Variants in NRG3 observed in about 807,000 individuals in gnomAD.
NRG3 encodes the protein pro-neuregulin-3, membrane-bound isoform.
In NRG3, 31 loss-of-function variants were observed where a neutral mutation model predicts 66.9. The observed-to-expected ratio is 0.46, with a 90% CI of 0.35 to 0.63. The LOEUF is 0.63. Ranked by LOEUF, NRG3 falls within the 20% of genes least tolerant of loss-of-function variation. The pLI, the probability that NRG3 is intolerant of heterozygous loss-of-function variation, is 0.00. For synonymous variants in NRG3, 393 were observed against 359.4 expected, an observed-to-expected ratio of 1.09 and a Z score of -1.06; for missense variants, 910 against 878.9, an observed-to-expected ratio of 1.04 and a Z score of -0.45.
intron 1 of NRG3, among the ~76,000 whole-genome samples, chr10:81,923,427 G>A (rs918848892): frequency 2.0e-5 from 3 of 151,904 alleles, no homozygotes; most frequent in African/African-American, 4.8e-5. Context: ...GAATGGTCTC[G>A]ATCTCCTGAC....
chr10:81,917,442 T>A (rs1845811103), intron 1 of NRG3, among the ~76,000 whole-genome samples: 1 of 152,144 alleles, frequency 6.6e-6, no homozygotes, highest in Admixed American at 6.5e-5. Context: ...ATGAACTAAA[T>A]GACTAGATGG....
intron 1 of NRG3, among the ~76,000 whole-genome samples, chr10:81,941,156 C>T (rs1848372028): frequency 6.6e-6 from 1 of 152,094 alleles, no homozygotes; most frequent in South Asian, 2.1e-4. Flanking sequence ...GCACAAGAGA[C>T]AATTCTATTT....
chr10:82,859,925 T>TAA, intron 3 of NRG3, among the ~76,000 whole-genome samples: 1 of 151,296 alleles, frequency 6.6e-6, no homozygotes, highest in East Asian at 1.9e-4. Flanking sequence ...TTTTTGGTGT[T>TAA]AAAAAAAAAC....
intron 3 of NRG3, among the ~76,000 whole-genome samples, chr10:82,788,887 G>T (rs1294126556): frequency 6.6e-6 from 1 of 151,796 alleles, no homozygotes; most frequent in East Asian, 1.9e-4. Context: ...ATTATTCTTT[G>T]TATTGCAAAA....
chr10:82,389,661 GAC>G (rs1405463212), intron 2 of NRG3, among the ~76,000 whole-genome samples: 9 of 152,084 alleles, frequency 5.9e-5, no homozygotes, highest in Non-Finnish European at 1.0e-4. Context: ...ATAAAATGAA[GAC>G]ACATTTTGAA....
intron 3 of NRG3, among the ~76,000 whole-genome samples, chr10:82,845,684 T>C (rs1392131468): frequency 6.6e-6 from 1 of 151,860 alleles, no homozygotes; most frequent in Admixed American, 6.6e-5. Flanking sequence ...TTGCAATATA[T>C]GAGGGAGAAA....
At chr10:82,810,937 T>C (rs1250631817) in intron 3 of NRG3, among the ~76,000 whole-genome samples, 6 of 152,152 alleles carry the variant, frequency 3.9e-5, no homozygotes. Context: ...TTATGAATTT[T>C]CAGAATAAAA....
intron 1 of NRG3, among the ~76,000 whole-genome samples, chr10:82,258,726 A>G (rs926971196): frequency 6.6e-6 from 1 of 152,210 alleles, no homozygotes; most frequent in African/African-American, 2.4e-5. Flanking sequence ...AGTTACAACA[A>G]ACCAAGAGAG....
rs2081886479 is a variant in NRG3, at chr10:82,326,587, G to A, written c.824-32152G>A. On this transcript the variant is annotated intron_variant, in intron 1 of 8. Transcript: ENST00000372141. ...CCATACTTCACTGATGCTCATTATT[G>A]TTTTTAACTTCCTATTTTTGATAGT... Among the ~76,000 whole-genome samples the A allele has an allele frequency of 1.3e-5, 2 of 151,928 alleles. 1 individual carries two copies. Among genetic ancestry groups the A allele is most frequent in the South Asian group, 4.2e-4 (2 of 4,814 alleles).
chr10:82,745,378 A>G (rs2058599666), intron 3 of NRG3, among the ~76,000 whole-genome samples: 1 of 152,190 alleles, frequency 6.6e-6, no homozygotes, highest in Non-Finnish European at 1.5e-5. Flanking sequence ...AGCAGAAACT[A>G]ATTATCACTT....
At chr10:82,669,433 GT>G (rs2053075979) in intron 2 of NRG3, among the ~76,000 whole-genome samples, 1 of 151,918 alleles carries the variant, frequency 6.6e-6, no homozygotes. Context: ...TATTTTCCTG[GT>G]TCTTCAGTTC....
intron 3 of NRG3, among the ~76,000 whole-genome samples, chr10:82,849,133 T>C (rs1359914545): frequency 6.6e-6 from 1 of 152,084 alleles, no homozygotes; most frequent in Non-Finnish European, 1.5e-5. Flanking sequence ...ATAACTGATA[T>C]CCTTATCAAA....
chr10:81,979,348 A>G (rs975477306), intron 1 of NRG3, among the ~76,000 whole-genome samples: 2 of 152,156 alleles, frequency 1.3e-5, no homozygotes, highest in African/African-American at 4.8e-5. Context: ...CATAAAAGGA[A>G]ATTCTAAAAT....
intron 2 of NRG3, among the ~76,000 whole-genome samples, chr10:82,424,972 C>T (rs547617194): frequency 3.3e-5 from 5 of 152,150 alleles, no homozygotes; most frequent in South Asian, 4.2e-4. Context: ...TTTCTAGACT[C>T]TCAAATCTAT....
At chr10:82,768,842 T>G (rs1340811529) in intron 3 of NRG3, among the ~76,000 whole-genome samples, 1 of 152,160 alleles carries the variant, frequency 6.6e-6, no homozygotes. Context: ...AATAGCTTTT[T>G]TGTGTGTGTA....
In NRG3 at chr10:82,022,053, G is replaced by A. The variant is rs2062086691; in HGVS notation, c.823+145890G>A. ...TGAAAGGCAGCATCAAATTCTGAAT[G>A]GGCATCACTGATTCATTTACACATC... On this transcript the variant is annotated intron_variant, in intron 1 of 8. Coordinates refer to ENST00000372141, the MANE Select transcript of NRG3 (RefSeq NM_001010848.4). 1.3e-5 allele frequency among the ~76,000 whole-genome samples: 2 copies of A among 151,544 alleles called. 1 individual carries two copies. The highest frequency in any genetic ancestry group is 4.2e-4 in the South Asian group (2 of 4,814).
At chr10:82,925,418 C>T (rs777770565) in intron 4 of NRG3, among the ~76,000 whole-genome samples, 2 of 152,268 alleles carry the variant, frequency 1.3e-5, no homozygotes, top group Non-Finnish European at 2.9e-5. Flanking sequence ...AATAATGGTC[C>T]CAGCACTGTT....
intron 4 of NRG3, among the ~76,000 whole-genome samples, chr10:82,941,055 A>C (rs1848536432): frequency 6.6e-6 from 1 of 152,142 alleles, no homozygotes; most frequent in Non-Finnish European, 1.5e-5. Context: ...ACAGTGTAAA[A>C]GACATGGAGC....
chr10:82,812,610 T>C (rs2061535534), intron 3 of NRG3, among the ~76,000 whole-genome samples: 1 of 151,968 alleles, frequency 6.6e-6, no homozygotes, highest in South Asian at 2.1e-4. Context: ...AAAAACCACA[T>C]CAATAAAACA....
Sources: allele counts gnomAD v4.1 joint callset (sites outside exome capture counted in the v4.1 genomes callset), GRCh38; gene constraint gnomAD v4.1.1; transcripts MANE v1.5; gene names NCBI Gene and HGNC (gene_info 2026-07-23, HGNC 2026-07-21).